LDLRAD4: variants seen among roughly 807,000 people sequenced by gnomAD.
The protein encoded by LDLRAD4 is low-density lipoprotein receptor class A domain-containing protein 4.
Under a neutral mutation model 17.0 loss-of-function variants are expected in LDLRAD4, and 5 were observed. The observed-to-expected ratio is 0.29, with a 90% CI of 0.15 to 0.62. LDLRAD4 has a LOEUF of 0.62. Among genes scored for constraint, LDLRAD4 ranks in the 20% least tolerant of loss-of-function variants. The pLI is 0.84. For missense variants in LDLRAD4, 340 were observed against 424.7 expected, an observed-to-expected ratio of 0.80 and a Z score of 1.75; for synonymous variants, 168 against 171.8, an observed-to-expected ratio of 0.98 and a Z score of 0.17.
At chr18:13,474,661 G>T (rs1445873790) in intron 3 of LDLRAD4, among the ~76,000 whole-genome samples, 1 of 152,238 alleles carries the variant, frequency 6.6e-6, no homozygotes, top group Non-Finnish European at 1.5e-5. Flanking sequence ...AGGGAGAGGG[G>T]CCACAGGTGC....
chr18:13,620,909 C>G (rs570996180), intron 3 of LDLRAD4: 2 of 652,756 alleles, frequency 3.1e-6, no homozygotes, highest in Non-Finnish European at 5.3e-6. Context: ...CTTCCCGCTC[C>G]CCGCAGCTGG....
At chr18:13,376,414 G>A (rs1490154211) in intron 1 of LDLRAD4, among the ~76,000 whole-genome samples, 5 of 152,176 alleles carry the variant, frequency 3.3e-5, no homozygotes, top group South Asian at 2.1e-4. Context: ...CATGAACAGC[G>A]GCGTCAGCTG....
At chr18:13,542,022 G>A (rs1334810634) in intron 3 of LDLRAD4, among the ~76,000 whole-genome samples, 3 of 152,136 alleles carry the variant, frequency 2.0e-5, no homozygotes, top group South Asian at 4.1e-4. Flanking sequence ...GTTGCAGTGA[G>A]CTGTGATCAT....
At chr18:13,310,963 A>G (rs2047200379) in intron 1 of LDLRAD4, among the ~76,000 whole-genome samples, 1 of 152,196 alleles carries the variant, frequency 6.6e-6, no homozygotes, top group Non-Finnish European at 1.5e-5. Flanking sequence ...GCATTTCTGT[A>G]GCCTTAGGTA....
intron 3 of LDLRAD4, among the ~76,000 whole-genome samples, chr18:13,559,421 C>T (rs2094516772): frequency 1.5e-5 from 2 of 132,036 alleles, no homozygotes; most frequent in Admixed American, 1.6e-4. Context: ...TTGTTAGTTA[C>T]ATATAAGGCC....
At chr18:13,242,979 G>A (rs961329211) in intron 1 of LDLRAD4, among the ~76,000 whole-genome samples, 8 of 152,146 alleles carry the variant, frequency 5.3e-5, no homozygotes, top group African/African-American at 4.8e-5. Context: ...TCTCCCTGCC[G>A]GCCTGCTCTG....
intron 1 of LDLRAD4, among the ~76,000 whole-genome samples, chr18:13,313,143 G>A (rs1224694576): frequency 6.6e-6 from 1 of 152,208 alleles, no homozygotes; most frequent in Non-Finnish European, 1.5e-5. Context: ...CGGCTAGAAG[G>A]ATCTGTTATT....
At chr18:13,293,678 G>C (rs11873336) in intron 1 of LDLRAD4, among the ~76,000 whole-genome samples, 107 of 152,344 alleles carry the variant, frequency 7.0e-4, no homozygotes, top group African/African-American at 2.5e-3. Context: ...AAGTCTGACT[G>C]TCTCTCTAAG....
chr18:13,424,975 A>G (rs1371390843), intron 2 of LDLRAD4, among the ~76,000 whole-genome samples: 1 of 152,240 alleles, frequency 6.6e-6, no homozygotes, highest in Non-Finnish European at 1.5e-5. Context: ...CATGACATTT[A>G]TCATCCAGAG....
intron 4 of LDLRAD4, chr18:13,642,851 C>T (rs1031687432): frequency 2.9e-6 from 2 of 698,898 alleles, no homozygotes; most frequent in African/African-American, 1.8e-5. Context: ...TCCATGTAGA[C>T]AAGAGGTCTG....
At chr18:13,287,157 T>G (rs755209130) in intron 1 of LDLRAD4, among the ~76,000 whole-genome samples, 1 of 152,124 alleles carries the variant, frequency 6.6e-6, no homozygotes, top group Non-Finnish European at 1.5e-5. Flanking sequence ...CACCAGGACG[T>G]AGAGGAAATA....
chr18:13,464,438 C>T (rs10502421), intron 3 of LDLRAD4, among the ~76,000 whole-genome samples: 11,927 of 152,218 alleles, frequency 0.078, 565 homozygotes, highest in Non-Finnish European at 0.11. Context: ...GTACCTTTAT[C>T]GGAGCTTATG....
At chr18:13,242,601 TGTG>T (rs1440478677) in intron 1 of LDLRAD4, among the ~76,000 whole-genome samples, 2 of 152,104 alleles carry the variant, frequency 1.3e-5, no homozygotes, top group Non-Finnish European at 2.9e-5. Context: ...TAAATGCAAA[TGTG>T]GTATTTTTTT....
In LDLRAD4 at chr18:13,300,513, C is replaced by T. The variant is rs1215618276; in HGVS notation, c.-383+22325C>T. Among the ~76,000 whole-genome samples, 6 of 152,220 alleles carry T rather than the reference C, an allele frequency of 3.9e-5. No homozygotes were observed. Among genetic ancestry groups the T allele is most frequent in the Non-Finnish European group, 7.3e-5 (5 of 68,044 alleles). On this transcript the variant is annotated intron_variant, in intron 1 of 5. Coordinates refer to ENST00000359446, the Ensembl canonical transcript of LDLRAD4. The surrounding 1 kb of genome is among the most constrained non-coding windows in gnomAD (Gnocchi z 4.2). The stretch of plus-strand genomic sequence containing the variant: ...GGTGCCAGCATGGAGCCCCATTGTC[C>T]TCACTCTTCCTCCTGGGCCTGTCCC...
chr18:13,572,654 C>G lies in LDLRAD4; in HGVS notation c.182-48463C>G, dbSNP rs73413598. ...CTTCTAGTTGTCTTACAATTCCCAT[C>G]ATGCTTCTGAGTAACATTCTCAATT... On this transcript the variant is annotated intron_variant, in intron 3 of 5. Transcript: ENST00000359446. Among the ~76,000 whole-genome samples, 1,489 of 152,356 alleles carry G rather than the reference C, an allele frequency of 9.8e-3. 19 individuals are homozygous for G. The highest frequency in any genetic ancestry group is 0.028 in the African/African-American group (1,147 of 41,580).
intron 3 of LDLRAD4, among the ~76,000 whole-genome samples, chr18:13,480,601 G>T (rs144097493): frequency 6.4e-4 from 98 of 152,322 alleles, no homozygotes; most frequent in African/African-American, 2.3e-3. Flanking sequence ...CAAGCGTAAT[G>T]ATGCGCCACT....
intron 3 of LDLRAD4, among the ~76,000 whole-genome samples, chr18:13,533,557 G>T (rs2094159538): frequency 6.6e-6 from 1 of 152,142 alleles, no homozygotes; most frequent in Non-Finnish European, 1.5e-5. Context: ...ATGTGGATTT[G>T]ATTTAAATAT....
intron 2 of LDLRAD4, among the ~76,000 whole-genome samples, chr18:13,405,731 G>T (rs1011203032): frequency 6.6e-6 from 1 of 151,274 alleles, no homozygotes; most frequent in African/African-American, 2.4e-5. Flanking sequence ...ATGAGCCACC[G>T]TGCCGAGCCC....
intron 3 of LDLRAD4, among the ~76,000 whole-genome samples, chr18:13,533,933 G>T (rs1882201712): frequency 6.6e-6 from 1 of 152,166 alleles, no homozygotes; most frequent in South Asian, 2.1e-4. Flanking sequence ...AATGTAAAAT[G>T]CAGTTTTAAG....
Sources: gnomAD v4.1 joint callset for allele counts (sites outside exome capture counted in the v4.1 genomes callset) on GRCh38, gnomAD v4.1.1 for gene constraint, Gnocchi (gnomAD v3.1) non-coding constraint, MANE v1.5 for transcripts, NCBI Gene and HGNC (gene_info 2026-07-23, HGNC 2026-07-21) for gene names.